Variants in ZNF676 observed in about 807,000 individuals in gnomAD.
ZNF676 encodes zinc finger protein 676.
Under a neutral mutation model 6.0 loss-of-function variants are expected in ZNF676, and 4 were observed. The ratio of observed to expected loss-of-function variants is 0.67; its 90% CI spans 0.33 to 1.53. The LOEUF is 1.53. Among genes scored for constraint, ZNF676 ranks in the 40% most tolerant of loss-of-function variants. ZNF676 has a pLI of 0.06. For synonymous variants in ZNF676, 198 were observed against 223.1 expected (o/e 0.89, Z 1.00); for missense variants, 644 against 679.7 (o/e 0.95, Z 0.58).
upstream of ZNF676, among the ~76,000 whole-genome samples, chr19:22,216,913 T>G (rs2024197869): frequency 6.8e-6 from 1 of 146,430 alleles, no homozygotes; most frequent in African/African-American, 2.6e-5. Flanking sequence ...CCATTCTGGG[T>G]GACAAGAGTG....
the ZNF676 span, among the ~76,000 whole-genome samples, chr19:22,224,343 G>A: frequency 6.6e-6 from 1 of 151,634 alleles, no homozygotes; most frequent in Non-Finnish European, 1.5e-5. Flanking sequence ...TTAAGTCAAT[G>A]TGGGGTTTAA....
chr19:22,222,143 C>T, the ZNF676 span, among the ~76,000 whole-genome samples: 4 of 152,146 alleles, frequency 2.6e-5, no homozygotes, highest in African/African-American at 7.2e-5. Context: ...CTCACTCTGT[C>T]GCCCAAGCTG....
chr19:22,219,977 C>A (rs560912350), upstream of ZNF676, among the ~76,000 whole-genome samples: 6 of 152,136 alleles, frequency 3.9e-5, no homozygotes, highest in South Asian at 1.0e-3. Flanking sequence ...TTTTTATGAC[C>A]TTACAATATG....
At chr19:22,190,967 C>T (rs1234172986) in intron 2 of ZNF676, among the ~76,000 whole-genome samples, 1 of 151,704 alleles carries the variant, frequency 6.6e-6, no homozygotes, top group Non-Finnish European at 1.5e-5. Context: ...GAAAAAGGTC[C>T]CCTATTTGCT....
rs749583907 is a variant in ZNF676, at chr19:22,181,415, A to T, written c.302T>A (p.Leu101His). The change falls in exon 3 of 3, where the codon CTT becomes CAT. Residue 101 changes from leucine (L) to histidine (H), a missense_variant. Leu to His is a moderately conservative substitution (Grantham distance 99). Transcript: ENST00000397121. ...CNVHKEGYNK[L>H]NQSLTTTQSK... ...CTGTGTAGTTGTTAAACTCTGGTTA[A>T]GTTTATTATAACCTTCTTTGTGCAC... The T allele has an allele frequency of 3.1e-6, 5 of 1,613,458 alleles. No homozygotes were observed. The highest frequency in any genetic ancestry group is 4.2e-6 in the Non-Finnish European group (5 of 1,179,690).
intron 1 of ZNF676, among the ~76,000 whole-genome samples, chr19:22,210,701 AAC>A (rs2024120107): frequency 6.6e-6 from 1 of 152,158 alleles, no homozygotes; most frequent in African/African-American, 2.4e-5. Context: ...CAGCCAGGAA[AAC>A]ACTCTGCATA....
At chr19:22,245,117 C>T in the ZNF676 span, 1 of 152,014 alleles carries the variant, frequency 6.6e-6, no homozygotes, top group South Asian at 2.1e-4. Flanking sequence ...GGTGCTTGGT[C>T]CAGTAATATG....
At chr19:22,260,284 A>T in the ZNF676 span, among the ~76,000 whole-genome samples, 1 of 152,222 alleles carries the variant, frequency 6.6e-6, no homozygotes, top group East Asian at 1.9e-4. Flanking sequence ...GCTGAGGTAG[A>T]CGGATCACCT....
rs144469950 is a variant in ZNF676 at position 22,209,970 on chromosome 19, T to C, written c.3+5662A>G. On this transcript the variant is annotated intron_variant, in intron 1 of 3. Transcript: ENST00000650058. ...CCAGAGAGGGGTGTGGACACATCAA[T>C]GTCTAGTGGGTGTTTGTGAGTGGGT... Among the ~76,000 whole-genome samples, 1,508 of 152,240 alleles carry C rather than the reference T, an allele frequency of 9.9e-3. 11 individuals are homozygous for C. Among genetic ancestry groups the C allele is most frequent in the African/African-American group, 0.013 (558 of 41,562 alleles).
intron 2 of ZNF676, among the ~76,000 whole-genome samples, chr19:22,187,142 TA>T (rs918931109): frequency 5.3e-5 from 8 of 152,000 alleles, no homozygotes; most frequent in Non-Finnish European, 7.4e-5. Context: ...TCAGCAAAAG[TA>T]AAAAAACAGA....
the ZNF676 span, among the ~76,000 whole-genome samples, chr19:22,233,680 A>G: frequency 5.3e-5 from 8 of 152,354 alleles, no homozygotes; most frequent in African/African-American, 1.9e-4. Flanking sequence ...GTCTCAGCAG[A>G]CCCAAATTGT....
At chr19:22,209,410 A>G (rs1204535625) in intron 1 of ZNF676, among the ~76,000 whole-genome samples, 1 of 152,184 alleles carries the variant, frequency 6.6e-6, no homozygotes, top group Admixed American at 6.5e-5. Context: ...ATACAGAAAC[A>G]GAAAACCAAA....
intron 1 of ZNF676, among the ~76,000 whole-genome samples, chr19:22,211,237 A>C (rs986253855): frequency 5.9e-5 from 9 of 152,060 alleles, no homozygotes; most frequent in Admixed American, 3.9e-4. Context: ...GTGGGGCCCC[A>C]GCTTTCCAGG....
chr19:22,210,631 T>C (rs940374231), intron 1 of ZNF676, among the ~76,000 whole-genome samples: 3 of 152,246 alleles, frequency 2.0e-5, no homozygotes, highest in African/African-American at 7.2e-5. Flanking sequence ...GGAACACTTA[T>C]GAAAAGAAAC....
At chr19:22,201,407 G>A (rs141843823), upstream of ZNF676, among the ~76,000 whole-genome samples, 309 of 152,238 alleles carry the variant, frequency 2.0e-3, 8 homozygotes, top group East Asian at 0.016. Flanking sequence ...TTGGTTTTCT[G>A]TAAATTCTCA....
At chr19:22,217,221 A>G (rs1420165273), upstream of ZNF676, among the ~76,000 whole-genome samples, 3 of 151,988 alleles carry the variant, frequency 2.0e-5, no homozygotes, top group Admixed American at 6.6e-5. Context: ...TTATTTATTG[A>G]GACAGAGTTT....
In ZNF676 at chr19:22,181,481, A is replaced by G; in HGVS notation, c.236T>C (p.Leu79Ser). ...RRYDKCGHEN[L>S]HLKISCTNVD... The stretch of plus-strand genomic sequence containing the variant: ...ATTGGTACAACTAATTTTTAAGTGT[A>G]AATTCTCATGTCCACATTTGTCATA... The change falls in exon 3 of 3, where the codon TTA becomes TCA. Residue 79 changes from leucine (L) to serine (S), a missense_variant. Around this residue, in one of 5 missense-constraint regions of ZNF676, gnomAD observed 280 missense variants for 269.3 expected, o/e 1.04. Transcript: ENST00000397121. 1.2e-6 allele frequency: 2 copies of G among 1,613,638 alleles called. No individual in the cohort carries two copies. The highest frequency in any genetic ancestry group is 3.3e-4 in the Middle Eastern group (2 of 6,054).
At chr19:22,227,570 G>A in the ZNF676 span, among the ~76,000 whole-genome samples, 2,785 of 152,074 alleles carry the variant, frequency 0.018, 79 homozygotes, top group African/African-American at 0.063. Flanking sequence ...ATGATTCCAG[G>A]AGCTGGTTTT....
chr19:22,254,436 C>CA, the ZNF676 span, among the ~76,000 whole-genome samples: 1 of 152,184 alleles, frequency 6.6e-6, no homozygotes, highest in East Asian at 1.9e-4. Flanking sequence ...AGGGCACAGG[C>CA]AGGAGCCTCC....
Sources: allele counts gnomAD v4.1 joint callset (sites outside exome capture counted in the v4.1 genomes callset), GRCh38; gene constraint gnomAD v4.1.1; regional missense constraint gnomAD v4.1.1; transcripts MANE v1.5; gene names NCBI Gene and HGNC (gene_info 2026-07-23, HGNC 2026-07-21).